The following COL26A1 variants were observed in gnomAD, a reference collection of about 807,000 sequenced individuals.
COL26A1 encodes collagen alpha-1(XXVI) chain.
COL26A1 carries 41 observed loss-of-function variants against 59.3 expected under a neutral mutation model. The ratio of observed to expected loss-of-function variants is 0.69; its 90% CI spans 0.54 to 0.90. The LOEUF is 0.90. COL26A1 is among the 40% of genes least tolerant of loss of function. The pLI, the probability that COL26A1 is intolerant of heterozygous loss-of-function variation, is 0.00. For synonymous variants in COL26A1, 266 were observed against 256.0 expected (o/e 1.04, Z -0.37); for missense variants, 612 against 602.3 (o/e 1.02, Z -0.17).
intron 12 of COL26A1, among the ~76,000 whole-genome samples, chr7:101,556,264 G>A (rs1795973373): frequency 3.3e-5 from 5 of 152,218 alleles, no homozygotes; most frequent in Admixed American, 3.3e-4. Context: ...GTGACATAGG[G>A]GAGGCTTCCA....
intron 12 of COL26A1, 102 bp from the exon 13 acceptor site, chr7:101,557,268 G>A (rs917553851): frequency 2.7e-5 from 33 of 1,236,104 alleles, no homozygotes; most frequent in African/African-American, 4.5e-5. Context: ...GCTTCTCCAC[G>A]CTGGGCAAGA....
At chr7:101,406,728 T>G (rs1455358914) in intron 1 of COL26A1, among the ~76,000 whole-genome samples, 2 of 152,116 alleles carry the variant, frequency 1.3e-5, no homozygotes, top group Non-Finnish European at 2.9e-5. Flanking sequence ...AAGAATCTCT[T>G]GAGCCCAGGA....
intron 3 of COL26A1, among the ~76,000 whole-genome samples, chr7:101,467,648 AC>A (rs1260695679): frequency 6.9e-6 from 1 of 145,090 alleles, no homozygotes; most frequent in East Asian, 2.0e-4. Flanking sequence ...CGGGCAGATC[AC>A]GAGGTCAGGA....
intron 3 of COL26A1, among the ~76,000 whole-genome samples, chr7:101,479,901 G>A (rs1481863111): frequency 6.6e-6 from 1 of 152,054 alleles, no homozygotes; most frequent in African/African-American, 2.4e-5. Context: ...TCCTGTGTTG[G>A]AAACATTACA....
chr7:101,540,020 C>T lies in COL26A1; in HGVS notation c.575C>T (p.Pro192Leu). 1 of 1,613,414 alleles carries T rather than the reference C, an allele frequency of 6.2e-7. No homozygotes were observed. Among genetic ancestry groups the T allele is most frequent in the Non-Finnish European group, 8.5e-7 (1 of 1,179,784 alleles). Residue 192 changes from proline to leucine, a missense_variant, in exon 5 of 13, where the codon CCA becomes CTA. Pro to Leu is a moderately conservative substitution (Grantham distance 98). Coordinates refer to ENST00000313669, the MANE Select transcript of COL26A1 (RefSeq NM_001278563.3). ...PDAIPLAHPV[P>L]RQRRPTGPAG... ...GCCATCCCTCTTGCTCACCCTGTGC[C>T]ACGACAGAGAAGGCCCACGGGCCCA... is the stretch of plus-strand genomic sequence containing the variant.
chr7:101,459,499 G>C (rs757183587), intron 3 of COL26A1, among the ~76,000 whole-genome samples: 12 of 139,514 alleles, frequency 8.6e-5, no homozygotes, highest in Admixed American at 1.5e-4. Flanking sequence ...TAGTAGAGAT[G>C]GGATTTCATC....
At chr7:101,549,615 CA>C (rs1190630846) in intron 9 of COL26A1, among the ~76,000 whole-genome samples, 1 of 152,166 alleles carries the variant, frequency 6.6e-6, no homozygotes, top group Non-Finnish European at 1.5e-5. Context: ...CATCCGACCT[CA>C]AGTAATCCAT....
chr7:101,501,547 G>A (rs1176507934), intron 3 of COL26A1, among the ~76,000 whole-genome samples: 4 of 152,074 alleles, frequency 2.6e-5, no homozygotes, highest in South Asian at 2.1e-4. Flanking sequence ...GGTCTGTCCA[G>A]ATGGAAGCCA....
At chr7:101,442,594 C>T (rs1793085494) in intron 2 of COL26A1, among the ~76,000 whole-genome samples, 1 of 152,144 alleles carries the variant, frequency 6.6e-6, no homozygotes, top group Non-Finnish European at 1.5e-5. Context: ...AAAATAGAAC[C>T]TGTGTGATGA....
rs1563007502 is a variant in COL26A1 at position 101,489,690 on chromosome 7, TTTC to T, written c.385+41906_385+41908del. 4.0e-3 allele frequency among the ~76,000 whole-genome samples: 39 copies of T among 9,666 alleles called. 13 individuals carry two copies. The highest frequency in any genetic ancestry group is 0.033 in the African/African-American group (37 of 1,114). The allele number at this position is 9,666 out of a possible 152,430, so 6.3% of individuals were successfully genotyped here. A position where few individuals can be genotyped will look rare whatever the true frequency, so the allele number is the denominator to read the frequency against. On this transcript the variant is annotated intron_variant, in intron 3 of 12. Transcript: ENST00000313669. ...CTTCCTTCCTTCCTTCCTTTCTTTC[TTTC>T]TTTCTGTCTTTCTTTCTTTCATTCT...
intron 3 of COL26A1, among the ~76,000 whole-genome samples, chr7:101,518,844 G>C (rs923013277): frequency 6.6e-6 from 1 of 152,108 alleles, no homozygotes; most frequent in Non-Finnish European, 1.5e-5. Flanking sequence ...TGGAAGACTT[G>C]AAATCTCTCC....
intron 2 of COL26A1, among the ~76,000 whole-genome samples, chr7:101,443,277 CT>C (rs1437543531): frequency 6.6e-6 from 1 of 152,116 alleles, no homozygotes; most frequent in African/African-American, 2.4e-5. Flanking sequence ...CATCTCCTAC[CT>C]CCTGTCCCAG....
At chr7:101,405,136 G>T (rs997966217) in intron 1 of COL26A1, among the ~76,000 whole-genome samples, 33 of 143,732 alleles carry the variant, frequency 2.3e-4, no homozygotes, top group African/African-American at 7.5e-4. Flanking sequence ...GCAGGAGAAT[G>T]GCGTGAACCC....
At chr7:101,371,135 A>G (rs1791182271) in intron 1 of COL26A1, among the ~76,000 whole-genome samples, 1 of 152,188 alleles carries the variant, frequency 6.6e-6, no homozygotes, top group Non-Finnish European at 1.5e-5. Flanking sequence ...CAGGCATTTA[A>G]TCACCTTGCA....
At chr7:101,375,030 A>G (rs949525445) in intron 1 of COL26A1, among the ~76,000 whole-genome samples, 6 of 151,818 alleles carry the variant, frequency 4.0e-5, no homozygotes, top group Non-Finnish European at 8.8e-5. Flanking sequence ...ACTGCACTCC[A>G]GCCTGGGTGA....
intron 4 of COL26A1, among the ~76,000 whole-genome samples, chr7:101,539,167 G>A (rs1006674551): frequency 6.6e-6 from 1 of 152,172 alleles, no homozygotes; most frequent in African/African-American, 2.4e-5. Context: ...CCAAGCAATC[G>A]TGGCCACTTT....
At chr7:101,432,031 G>A (rs1792795574) in intron 2 of COL26A1, among the ~76,000 whole-genome samples, 2 of 150,152 alleles carry the variant, frequency 1.3e-5, no homozygotes, top group Admixed American at 1.3e-4. Context: ...TGCAATCTTG[G>A]CTCACTGTAA....
intron 3 of COL26A1, among the ~76,000 whole-genome samples, chr7:101,508,280 T>A (rs6948794): frequency 6.6e-6 from 1 of 151,732 alleles, no homozygotes; most frequent in African/African-American, 2.4e-5. Flanking sequence ...CGAACAGTTT[T>A]GGAAGCCTAG....
At chr7:101,549,250 G>A in intron 9 of COL26A1, 27 bp downstream of exon 9, 2 of 1,571,242 alleles carry the variant, frequency 1.3e-6, no homozygotes, top group Non-Finnish European at 1.7e-6. Context: ...TTTAGGTAGG[G>A]TGTGGGAGGC....
Sources: allele counts gnomAD v4.1 joint callset (sites outside exome capture counted in the v4.1 genomes callset), GRCh38; gene constraint gnomAD v4.1.1; transcripts MANE v1.5; gene names NCBI Gene and HGNC (gene_info 2026-07-23, HGNC 2026-07-21).